ROBO2: variants seen among roughly 807,000 people sequenced by gnomAD.
ROBO2 encodes the protein roundabout homolog 2.
ROBO2 carries 53 observed loss-of-function variants against 160.8 expected under a neutral mutation model. That is an observed-to-expected ratio of 0.33 (90% CI 0.26 to 0.41). ROBO2 has a LOEUF of 0.41. ROBO2 is among the 10% of genes least tolerant of loss of function. The pLI is 1.00. For missense variants in ROBO2, 1,577 were observed against 1,722.4 expected, an observed-to-expected ratio of 0.92 and a Z score of 1.49; for synonymous variants, 664 against 611.7, an observed-to-expected ratio of 1.09 and a Z score of -1.26.
chr3:77,237,411 T>TTGTGTGTG (rs71104662), intron 2 of ROBO2, among the ~76,000 whole-genome samples: 6,802 of 131,016 alleles, frequency 0.052, 199 homozygotes, highest in Middle Eastern at 0.098. Flanking sequence ...TTGTTTTGTT[T>TTGTGTGTG]TGTGTGTGTG....
chr3:76,501,805 G>A lies in ROBO2; in HGVS notation c.109+564203G>A, dbSNP rs185859031. Among the ~76,000 whole-genome samples the A allele has an allele frequency of 6.6e-5, 10 of 152,250 alleles. 1 individual carries two copies. Among genetic ancestry groups the A allele is most frequent in the Admixed American group, 2.0e-4 (3 of 15,294 alleles). Reference sequence around the variant, plus strand: ...TATATTAACAGGGTACAGAAAATAAGTATACTCAGTGGGGTGGGAGTAGTT... The same window carrying A: ...TATATTAACAGGGTACAGAAAATAAATATACTCAGTGGGGTGGGAGTAGTT... On this transcript the variant is annotated intron_variant, in intron 2 of 26. Transcript: ENST00000487694.
At chr3:76,361,613 G>T (rs1040705814) in intron 2 of ROBO2, among the ~76,000 whole-genome samples, 1 of 151,972 alleles carries the variant, frequency 6.6e-6, no homozygotes. Context: ...ATATAATGAA[G>T]TAAACATTGT....
intron 2 of ROBO2, among the ~76,000 whole-genome samples, chr3:76,787,328 C>CACA (rs1553905371): frequency 2.8e-5 from 4 of 142,170 alleles, no homozygotes; most frequent in Admixed American, 7.1e-5. Flanking sequence ...TGTAAACACA[C>CACA]CACACACACA....
intron 2 of ROBO2, among the ~76,000 whole-genome samples, chr3:76,499,901 G>A (rs1467309700): frequency 6.6e-6 from 1 of 151,936 alleles, no homozygotes; most frequent in African/African-American, 2.4e-5. Context: ...TGTGTGTGCT[G>A]ATATACAAAT....
intron 2 of ROBO2, among the ~76,000 whole-genome samples, chr3:76,786,447 G>C (rs1560559104): frequency 1.3e-5 from 2 of 151,290 alleles, no homozygotes; most frequent in African/African-American, 2.4e-5. Context: ...GGGGAAGTAG[G>C]CATATCTTAC....
At chr3:76,382,789 G>A (rs2076701658) in intron 2 of ROBO2, among the ~76,000 whole-genome samples, 1 of 152,108 alleles carries the variant, frequency 6.6e-6, no homozygotes. Context: ...GTTTTCAAGG[G>A]AAACACTCCT....
chr3:77,178,302 C>T (rs1478809171), intron 2 of ROBO2, among the ~76,000 whole-genome samples: 3 of 151,988 alleles, frequency 2.0e-5, no homozygotes, highest in African/African-American at 7.2e-5. Context: ...GTTTCCAATG[C>T]ACAAAGATAC....
rs571878266 is a variant in ROBO2, at chr3:77,116,028, G to A, written c.388+17688G>A. 2.6e-5 allele frequency among the ~76,000 whole-genome samples: 4 copies of A among 152,294 alleles called. No homozygotes were observed. The South Asian group carries it at 8.3e-4, about 32-fold the overall frequency. Reference sequence around the variant, plus strand: ...GGATTAAACAAGTGTGAATAAACAAGTTCAAGAGTTTTCTGCAGGGCTGCC... The same window carrying A: ...GGATTAAACAAGTGTGAATAAACAAATTCAAGAGTTTTCTGCAGGGCTGCC... On this transcript the variant is annotated intron_variant, in intron 2 of 25. Coordinates refer to ENST00000461745, the Ensembl canonical transcript of ROBO2.
At chr3:76,922,954 C>T (rs145714520) in intron 2 of ROBO2, among the ~76,000 whole-genome samples, 53 of 152,324 alleles carry the variant, frequency 3.5e-4, no homozygotes, top group African/African-American at 1.3e-3. Flanking sequence ...TCAATCTTCT[C>T]ATGATCAGGA....
At chr3:76,994,448 A>G (rs570225785) in intron 2 of ROBO2, among the ~76,000 whole-genome samples, 1 of 152,318 alleles carries the variant, frequency 6.6e-6, no homozygotes, top group South Asian at 2.1e-4. Flanking sequence ...TTTGCTAATT[A>G]TAAGTGATTT....
chr3:76,381,497 G>A (rs1286653446), intron 2 of ROBO2, among the ~76,000 whole-genome samples: 2 of 151,986 alleles, frequency 1.3e-5, no homozygotes, highest in East Asian at 1.9e-4. Context: ...CTACAGACAC[G>A]TGCCACCGCG....
rs2064387110 is a variant in ROBO2, at chr3:77,044,181, A to G, written c.61+3335A>G. Among the ~76,000 whole-genome samples the G allele has an allele frequency of 2.6e-5, 4 of 152,264 alleles. No homozygotes were observed. In the South Asian group the frequency reaches 8.3e-4, roughly 32 times the overall value. On this transcript the variant is annotated intron_variant, in intron 1 of 25. Coordinates refer to ENST00000461745, the Ensembl canonical transcript of ROBO2. ...AAAAATATTGTAAAAAAAAAAAGTA[A>G]TGATTATATAAAAAGAGCAGTTCTG...
intron 2 of ROBO2, among the ~76,000 whole-genome samples, chr3:76,797,201 A>C (rs1412396141): frequency 1.3e-5 from 2 of 152,174 alleles, no homozygotes; most frequent in African/African-American, 4.8e-5. Flanking sequence ...ATTAGGCCAA[A>C]AAATAAGTCT....
chr3:76,055,819 C>T (rs980024239), intron 2 of ROBO2, among the ~76,000 whole-genome samples: 1 of 152,006 alleles, frequency 6.6e-6, no homozygotes, highest in African/African-American at 2.4e-5. Flanking sequence ...AGTGCAGTGG[C>T]GCGATCTCGG....
chr3:77,521,635 G>A (rs1026315484), intron 5 of ROBO2, among the ~76,000 whole-genome samples: 5 of 151,168 alleles, frequency 3.3e-5, no homozygotes, highest in African/African-American at 1.2e-4. Context: ...AAGAGTAAGG[G>A]TAGTTAAGTT....
chr3:77,523,926 G>A (rs562374792), intron 6 of ROBO2, among the ~76,000 whole-genome samples: 1 of 151,378 alleles, frequency 6.6e-6, no homozygotes, highest in East Asian at 2.0e-4. Context: ...AGAAGGTTAG[G>A]AAAAAGGTTC....
intron 2 of ROBO2, among the ~76,000 whole-genome samples, chr3:76,340,533 C>A (rs550189444): frequency 1.3e-5 from 2 of 152,234 alleles, no homozygotes; most frequent in Non-Finnish European, 1.5e-5. Flanking sequence ...TACTGCTTTA[C>A]AGCATATGTG....
At chr3:77,326,308 A>G (rs886637784) in intron 2 of ROBO2, among the ~76,000 whole-genome samples, 2 of 152,208 alleles carry the variant, frequency 1.3e-5, no homozygotes, top group Non-Finnish European at 1.5e-5. Context: ...AGTAAAGACT[A>G]TTAGAAGCTC....
intron 2 of ROBO2, among the ~76,000 whole-genome samples, chr3:76,658,344 T>A (rs1048375902): frequency 2.0e-5 from 3 of 152,154 alleles, no homozygotes; most frequent in East Asian, 1.9e-4. Flanking sequence ...TGCCTTTTTT[T>A]TTATTATTAT....
Sources: allele counts gnomAD v4.1 joint callset (sites outside exome capture counted in the v4.1 genomes callset), GRCh38; gene constraint gnomAD v4.1.1; transcripts MANE v1.5; gene names NCBI Gene and HGNC (gene_info 2026-07-23, HGNC 2026-07-21).